POMGNT2: variants seen among roughly 807,000 people sequenced by gnomAD.
The protein encoded by POMGNT2 is protein O-linked mannose N-acetylglucosaminyltransferase 2 (beta 1,4-).
POMGNT2 carries 32 observed loss-of-function variants against 37.8 expected under a neutral mutation model. The ratio of observed to expected loss-of-function variants is 0.85; its 90% confidence interval spans 0.64 to 1.14. The LOEUF (loss-of-function observed/expected upper bound fraction) is 1.14. POMGNT2 is among the 50% of genes most tolerant of loss of function. The probability of loss-of-function intolerance (pLI) is 0.00; values close to 1 mark genes in which losing one functional copy is unlikely to be tolerated. For synonymous variants in POMGNT2, 340 were observed against 336.8 expected (o/e 1.01, Z -0.10); for missense variants, 705 against 780.6 (o/e 0.90, Z 1.15).
rs1408668587 is a variant in POMGNT2 at position 43,080,630 on chromosome 3, C to A, written c.802G>T (p.Ala268Ser). The change falls in exon 2 of 2, where the codon GCA becomes TCA. Residue 268 changes from alanine (A) to serine (S), a missense_variant. Physicochemically the swap from Ala to Ser is moderately conservative, Grantham distance 99 (BLOSUM62 1). Coordinates refer to ENST00000344697, the MANE Select transcript of POMGNT2 (RefSeq NM_032806.6). Reference protein sequence around the residue: ...LVSGNEIRQFARFMTEKLNVS... With the variant: ...LVSGNEIRQFSRFMTEKLNVS... ...TTCAGCTTTTCTGTCATGAACCGTG[C>A]AAACTGCCGGATCTCATTGCCTGAG... 1 of 1,614,226 alleles carries A rather than the reference C, an allele frequency of 6.2e-7. No homozygotes were observed.
rs550169212 is a variant in POMGNT2 at position 43,103,345 on chromosome 3, T to C, written c.-106+2491A>G. Among the ~76,000 whole-genome samples, 94 of 152,248 alleles carry C rather than the reference T, an allele frequency of 6.2e-4. 2 individuals carry two copies. The South Asian group carries it at 0.019, about 31-fold the overall frequency. ...AGCAAAGATAAGGCTCAGAGAATTATGCAGCCCCAGAACATTTCCCAGGAG... is the reference window on the plus strand; with the variant it reads ...AGCAAAGATAAGGCTCAGAGAATTACGCAGCCCCAGAACATTTCCCAGGAG... On this transcript the variant is annotated intron_variant, in intron 1 of 1. Coordinates refer to ENST00000344697, the MANE Select transcript of POMGNT2 (RefSeq NM_032806.6).
chr3:43,079,765 T>C lies in POMGNT2; in HGVS notation c.1667A>G (p.Tyr556Cys). The C allele has an allele frequency of 1.2e-6, 2 of 1,614,170 alleles. No homozygotes were observed. Among genetic ancestry groups the C allele is most frequent in the Non-Finnish European group, 1.7e-6 (2 of 1,180,036 alleles). ...FTENIKPFTT[Y>C]LVWVRCIFNK... ...GAAGATGCAGCGGACCCACACCAGG[T>C]AGGTGGTGAAGGGCTTGATGTTCTC... The change falls in exon 2 of 2, where the codon TAC becomes TGC. Residue 556 changes from tyrosine to cysteine, a missense_variant. Physicochemically the swap from Tyr to Cys is radical, Grantham distance 194. Coordinates refer to ENST00000344697, the MANE Select transcript of POMGNT2 (RefSeq NM_032806.6).
intron 1 of POMGNT2, among the ~76,000 whole-genome samples, chr3:43,100,599 C>A (rs950415953): frequency 1.3e-5 from 2 of 152,138 alleles, no homozygotes; most frequent in African/African-American, 4.8e-5. Context: ...TTCTCTCACA[C>A]CACAAAAATT....
intron 1 of POMGNT2, among the ~76,000 whole-genome samples, chr3:43,094,571 C>A (rs1411547014): frequency 6.6e-6 from 1 of 152,224 alleles, no homozygotes; most frequent in African/African-American, 2.4e-5. Context: ...CCGCTGTCTT[C>A]CACAGGACTG....
At chr3:43,085,632 G>T (rs2089891963) in intron 1 of POMGNT2, among the ~76,000 whole-genome samples, 1 of 152,082 alleles carries the variant, frequency 6.6e-6, no homozygotes, top group Admixed American at 6.5e-5. Context: ...TTTGTGAATT[G>T]CCCAGTCTTG....
intron 1 of POMGNT2, among the ~76,000 whole-genome samples, chr3:43,091,550 A>G (rs79519138): frequency 0.018 from 2,737 of 152,308 alleles, 73 homozygotes; most frequent in African/African-American, 0.06. Context: ...TGCAGGCAAG[A>G]TCTGCTGATA....
intron 1 of POMGNT2, among the ~76,000 whole-genome samples, chr3:43,103,870 A>G (rs572616651): frequency 1.5e-4 from 23 of 152,274 alleles, no homozygotes; most frequent in African/African-American, 5.3e-4. Flanking sequence ...GAAAAACACA[A>G]TTATACCTAC....
intron 1 of POMGNT2, chr3:43,088,202 A>C (rs1388716951): frequency 6.6e-6 from 1 of 152,254 alleles, no homozygotes; most frequent in Non-Finnish European, 1.5e-5. Flanking sequence ...GGCTGCCTTC[A>C]TCTGACTCAA....
chr3:43,099,923 T>C (rs2090005413), intron 1 of POMGNT2, among the ~76,000 whole-genome samples: 1 of 152,190 alleles, frequency 6.6e-6, no homozygotes, highest in Admixed American at 6.5e-5. Context: ...CACTTTGCAA[T>C]GATAATCTTT....
chr3:43,081,315 G>A lies in POMGNT2; in HGVS notation c.117C>T (p.Ser39=). 1 of 1,611,932 alleles carries A rather than the reference G, an allele frequency of 6.2e-7. No homozygotes were observed. Among genetic ancestry groups the A allele is most frequent in the East Asian group, 2.2e-5 (1 of 44,884 alleles). ...AATLEEELAL[S]RQATEPAPAL... ...CTGGGGCTGGCTCTGTGGCCTGTCG[G>A]CTGAGGGCCAGCTCCTCCTCCAGTG... Residue 39 remains serine (S), a synonymous_variant, in exon 2 of 2, where the codon AGC becomes AGT. Transcript: ENST00000344697.
Position 43,080,953 on chromosome 3 carries a change from T to A in POMGNT2, c.479A>T (p.Asn160Ile). ...AAAGACGTGCATGAGGTTGTCGGGG[T>A]TGAAGCGGTTGGCGATGAGGGCCAC... ...PDVALIANRF[N>I]PDNLMHVFHD... is the part of the protein sequence containing the mutation. The change falls in exon 2 of 2, where the codon AAC becomes ATC. Residue 160 changes from asparagine (N) to isoleucine (I), a missense_variant. Asn to Ile is a moderately radical substitution (Grantham distance 149). Coordinates refer to ENST00000344697, the MANE Select transcript of POMGNT2 (RefSeq NM_032806.6). 1 of 1,613,998 alleles carries A rather than the reference T, an allele frequency of 6.2e-7. No homozygotes were observed. The highest frequency in any genetic ancestry group is 8.5e-7 in the Non-Finnish European group (1 of 1,180,004).
At chr3:43,083,447 G>A (rs1027767862) in intron 1 of POMGNT2, among the ~76,000 whole-genome samples, 17 of 152,208 alleles carry the variant, frequency 1.1e-4, no homozygotes, top group Admixed American at 4.6e-4. Flanking sequence ...TAGGTCTGGA[G>A]TATGGCTCAG....
intron 1 of POMGNT2, among the ~76,000 whole-genome samples, chr3:43,102,711 C>A (rs1480030204): frequency 6.6e-6 from 1 of 152,208 alleles, no homozygotes; most frequent in Non-Finnish European, 1.5e-5. Context: ...GAGTTAAGTA[C>A]CTTGCTTAAG....
chr3:43,105,863 C>G lies in POMGNT2; in HGVS notation c.-133G>C, dbSNP rs1257395818. 1.3e-5 allele frequency: 2 copies of G among 151,888 alleles called. No individual in the cohort carries two copies. Among genetic ancestry groups the G allele is most frequent in the African/African-American group, 4.8e-5 (2 of 41,356 alleles). 9.4% of individuals were successfully genotyped at this position (151,888 alleles called of 1,614,324 possible). A position where few individuals can be genotyped will look rare whatever the true frequency, so the allele number is the denominator to read the frequency against. On this transcript the variant is annotated 5_prime_UTR_variant, in exon 1 of 2. Coordinates refer to ENST00000344697, the MANE Select transcript of POMGNT2 (RefSeq NM_032806.6). The stretch of plus-strand genomic sequence containing the variant: ...GAAGCCTGGACTCCGCGGGACGAAG[C>G]CACCTCCGCCGACGCGTCCAGGAGG...
At chr3:43,102,716 C>T (rs1481705208) in intron 1 of POMGNT2, among the ~76,000 whole-genome samples, 1 of 152,194 alleles carries the variant, frequency 6.6e-6, no homozygotes, top group Non-Finnish European at 1.5e-5. Flanking sequence ...AAGTACCTTG[C>T]TTAAGGTCTT....
chr3:43,094,518 T>C (rs2089965692), intron 1 of POMGNT2, among the ~76,000 whole-genome samples: 1 of 152,224 alleles, frequency 6.6e-6, no homozygotes, highest in South Asian at 2.1e-4. Context: ...AGAGCCCAGG[T>C]GGGCCTCCTT....
At position 43,081,548 on chromosome 3, in the gene POMGNT2, G is replaced by A. The variant is rs974303850; in HGVS notation, c.-105-12C>T. 2 of 909,410 alleles carry A rather than the reference G, an allele frequency of 2.2e-6. No individual in the cohort carries two copies. The highest frequency in any genetic ancestry group is 3.2e-6 in the Non-Finnish European group (2 of 617,320). The allele number at this position is 909,410 out of a possible 1,614,324, so 56.3% of individuals were successfully genotyped here. ...GAACTGGTGAAAGCCTGCAGGAGGA[G>A]AGAAGGAAAAGAAAAAGGAATTGGC... On this transcript the variant is annotated splice_polypyrimidine_tract_variant and intron_variant, in intron 1 of 1. Transcript: ENST00000344697.
Position 43,081,275 on chromosome 3 carries a change from A to G in POMGNT2, c.157T>C (p.Tyr53His). 2 of 1,613,448 alleles carry G rather than the reference A, an allele frequency of 1.2e-6. No homozygotes were observed. Among genetic ancestry groups the G allele is most frequent in the African/African-American group, 1.3e-5 (1 of 75,064 alleles). ...ATCAGGATCTGCAGTGCCTTCGGGTAGTCGATCCTCAGTGCTGGGGCTGGC... is the reference window on the plus strand; with the variant it reads ...ATCAGGATCTGCAGTGCCTTCGGGTGGTCGATCCTCAGTGCTGGGGCTGGC... ...TEPAPALRID[Y>H]PKALQILMEG... is the part of the protein sequence containing the mutation. Residue 53 changes from tyrosine to histidine, a missense_variant, in exon 2 of 2, where the codon TAC (tyrosine) becomes CAC (histidine). Coordinates refer to ENST00000344697, the MANE Select transcript of POMGNT2 (RefSeq NM_032806.6).
In POMGNT2 at chr3:43,079,968, T is replaced by G. The variant is rs896335434; in HGVS notation, c.1464A>C (p.Ala488=). 2 of 1,613,964 alleles carry G rather than the reference T, an allele frequency of 1.2e-6. No homozygotes were observed. The highest frequency in any genetic ancestry group is 3.3e-4 in the Middle Eastern group (2 of 6,062). ...VGLYPGKVRE[A]RCQASVHGAS... ...CGCCATGCACTGACGCCTGGCACCG[T>G]GCCTCCCGCACCTTGCCTGGATATA... The change falls in exon 2 of 2, where the codon GCA becomes GCC. Residue 488 remains alanine, a synonymous_variant. Transcript: ENST00000344697.
Sources: allele counts gnomAD v4.1 joint callset (sites outside exome capture counted in the v4.1 genomes callset), GRCh38; gene constraint gnomAD v4.1.1; transcripts MANE v1.5; gene names NCBI Gene and HGNC (gene_info 2026-07-23, HGNC 2026-07-21).